Variants in RYR3 observed in about 807,000 individuals in gnomAD.
The protein encoded by RYR3 is ryanodine receptor 3.
RYR3 carries 207 observed loss-of-function variants against 584.3 expected under a neutral mutation model. The observed-to-expected ratio is 0.35, with a 90% CI of 0.32 to 0.40. The LOEUF is 0.40. Among genes scored for constraint, RYR3 ranks in the 10% least tolerant of loss-of-function variants. The pLI is 1.00. For missense variants in RYR3, 5,616 were observed against 6,089.2 expected (o/e 0.92, Z 2.59); for synonymous variants, 2,416 against 2,248.5 (o/e 1.07, Z -2.11).
At chr15:33,561,663 C>T (rs1256240937) in intron 10 of RYR3, among the ~76,000 whole-genome samples, 2 of 151,398 alleles carry the variant, frequency 1.3e-5, no homozygotes, top group African/African-American at 2.4e-5. Context: ...ATTGCTTGAG[C>T]CTGGGAGTTC....
chr15:33,737,505 G>A (rs761306707), intron 49 of RYR3, among the ~76,000 whole-genome samples: 5 of 152,076 alleles, frequency 3.3e-5, no homozygotes, highest in African/African-American at 4.8e-5. Flanking sequence ...TAGTCCAAGC[G>A]AGCATTTCAG....
At chr15:33,863,498 G>C (rs967308459) in intron 102 of RYR3, among the ~76,000 whole-genome samples, 1 of 152,116 alleles carries the variant, frequency 6.6e-6, no homozygotes, top group Middle Eastern at 3.2e-3. Flanking sequence ...GCAAGAGCCT[G>C]GTTCCTTTGG....
rs766264161 is a variant in RYR3 at position 33,736,247 on chromosome 15, T to C, written c.7437T>C (p.Pro2479=). Residue 2479 remains proline, a synonymous_variant, in exon 49 of 104, where the codon CCT becomes CCC. Coordinates refer to ENST00000634891, the MANE Select transcript of RYR3 (RefSeq NM_001036.6). ...CLLAICNHLR[P]SMLQQLLRRL... ...TTTCATACTGCAGTCACTTGAGGCC[T>C]TCCATGTTACAGCAACTCCTGCGAC... is the stretch of plus-strand genomic sequence containing the variant. The C allele has an allele frequency of 4.3e-6, 7 of 1,611,042 alleles. No individual in the cohort carries two copies. The highest frequency in any genetic ancestry group is 5.1e-6 in the Non-Finnish European group (6 of 1,177,618).
intron 1 of RYR3, among the ~76,000 whole-genome samples, chr15:33,465,102 C>CTG (rs1342544996): frequency 4.6e-5 from 7 of 151,990 alleles, no homozygotes; most frequent in Non-Finnish European, 7.4e-5. Flanking sequence ...TAATATTTCA[C>CTG]TGTGTGTGTG....
At chr15:33,729,064 C>A in intron 47 of RYR3, 38 bp downstream of exon 47, 4 of 1,575,332 alleles carry the variant, frequency 2.5e-6, no homozygotes, top group Non-Finnish European at 3.5e-6. Flanking sequence ...TTGTTCCCAT[C>A]ATTGTGAAAT....
intron 1 of RYR3, among the ~76,000 whole-genome samples, chr15:33,348,018 C>G (rs1972695389): frequency 6.6e-6 from 1 of 151,788 alleles, no homozygotes; most frequent in African/African-American, 2.4e-5. Flanking sequence ...GTAGTATATA[C>G]ATACATCTAT....
intron 43 of RYR3, among the ~76,000 whole-genome samples, chr15:33,712,552 A>G (rs1240053296): frequency 1.3e-5 from 2 of 152,226 alleles, no homozygotes; most frequent in Non-Finnish European, 2.9e-5. Flanking sequence ...TTGAATTTGT[A>G]GGATAGAAAT....
intron 11 of RYR3, among the ~76,000 whole-genome samples, chr15:33,563,213 A>G (rs1310531760): frequency 6.6e-6 from 1 of 152,236 alleles, no homozygotes; most frequent in Admixed American, 6.5e-5. Context: ...AATGGGGGAA[A>G]AAACAAATAC....
intron 1 of RYR3, among the ~76,000 whole-genome samples, chr15:33,407,633 T>G (rs2043113863): frequency 6.6e-6 from 1 of 152,214 alleles, no homozygotes; most frequent in South Asian, 2.1e-4. Flanking sequence ...CCTGAGAGTT[T>G]GATAGCTTTG....
chr15:33,647,566 A>G, intron 30 of RYR3, 106 bp downstream of exon 30: 1 of 764,128 alleles, frequency 1.3e-6, no homozygotes, highest in Non-Finnish European at 2.2e-6. Context: ...TTTAATTGCC[A>G]ATTACTCTGT....
chr15:33,834,285 AACACACACACACACAC>A (rs61059288), intron 86 of RYR3, among the ~76,000 whole-genome samples: 1 of 136,870 alleles, frequency 7.3e-6, no homozygotes, highest in Non-Finnish European at 1.6e-5. Flanking sequence ...ATCTGTCTTA[AACACACACACACACAC>A]ACACACACAC....
At chr15:33,321,603 A>G (rs1968974083) in intron 1 of RYR3, among the ~76,000 whole-genome samples, 2 of 152,256 alleles carry the variant, frequency 1.3e-5, no homozygotes. Context: ...CTTGTTTTTG[A>G]TTAGTTTGGA....
At chr15:33,809,787 C>T (rs2076418775) in intron 70 of RYR3, among the ~76,000 whole-genome samples, 1 of 152,086 alleles carries the variant, frequency 6.6e-6, no homozygotes, top group African/African-American at 2.4e-5. Context: ...AGGCATGCGC[C>T]ACCGCACCTG....
At chr15:33,351,313 C>G (rs2140929374) in intron 1 of RYR3, among the ~76,000 whole-genome samples, 1 of 152,262 alleles carries the variant, frequency 6.6e-6, no homozygotes, top group South Asian at 2.1e-4. Flanking sequence ...GGATTCACAG[C>G]CGATTTCTAC....
rs538944600 is a variant in RYR3 at position 33,780,155 on chromosome 15, T to G, written c.9138-56T>G. ...CTATGGGGAAGGCCTGATCTGCCAA[T>G]GCATGGGGCCAGCATGTGGGGGGCC... On this transcript the variant is annotated intron_variant, in intron 64 of 103. Transcript: ENST00000634891. The G allele has an allele frequency of 8.2e-5, 131 of 1,593,028 alleles. No homozygotes were observed. The South Asian group carries it at 1.1e-3, about 13-fold the overall frequency.
At chr15:33,691,079 T>C (rs1749307642) in intron 38 of RYR3, among the ~76,000 whole-genome samples, 1 of 152,210 alleles carries the variant, frequency 6.6e-6, no homozygotes, top group Non-Finnish European at 1.5e-5. Context: ...TTTCCAATAA[T>C]TATGGATATT....
chr15:33,692,272 G>A (rs377721793), intron 38 of RYR3, among the ~76,000 whole-genome samples: 2 of 152,280 alleles, frequency 1.3e-5, no homozygotes, highest in East Asian at 1.9e-4. Context: ...TGCTTGCTAG[G>A]GGTATAAAGC....
In RYR3 at chr15:33,636,583, C is replaced by T. The variant is rs150812916; in HGVS notation, c.3556+33C>T. On this transcript the variant is annotated intron_variant, in intron 27 of 103. Coordinates refer to ENST00000634891, the MANE Select transcript of RYR3 (RefSeq NM_001036.6). ...TAACACCCTCTGCCAACCCCAGCTC[C>T]ATGAGGCTGGAGGAAAATATAGGGA... The T allele has an allele frequency of 8.8e-4, 1,348 of 1,539,924 alleles. 17 individuals are homozygous for T. Among genetic ancestry groups the T allele is most frequent in the Middle Eastern group, 7.1e-4 (4 of 5,668 alleles).
chr15:33,415,545 T>G (rs2043741495), intron 1 of RYR3, among the ~76,000 whole-genome samples: 1 of 151,506 alleles, frequency 6.6e-6, no homozygotes, highest in African/African-American at 2.4e-5. Context: ...AGGGCTGTAA[T>G]AGAGAAGTGT....
Sources: allele counts gnomAD v4.1 joint callset (sites outside exome capture counted in the v4.1 genomes callset), GRCh38; gene constraint gnomAD v4.1.1; transcripts MANE v1.5; gene names NCBI Gene and HGNC (gene_info 2026-07-23, HGNC 2026-07-21).